Variants in DEPDC5 observed in about 807,000 individuals in gnomAD.
The protein encoded by DEPDC5 is DEP domain containing 5, GATOR1 subcomplex subunit, also known as GATOR1 complex protein DEPDC5.
A neutral mutation model predicts 217.3 loss-of-function variants in DEPDC5; 73 were observed. That is an observed-to-expected ratio of 0.34 (90% CI 0.28 to 0.41). The LOEUF is 0.41. DEPDC5 is among the 10% of genes least tolerant of loss of function. The pLI is 1.00. For missense variants in DEPDC5, 1,675 were observed against 2,070.1 expected (o/e 0.81, Z 3.70); for synonymous variants, 733 against 756.7 (o/e 0.97, Z 0.51).
At chr22:31,760,350 G>A (rs895819627) in intron 3 of DEPDC5, among the ~76,000 whole-genome samples, 16 of 152,148 alleles carry the variant, frequency 1.1e-4, no homozygotes, top group African/African-American at 3.6e-4. Flanking sequence ...TTACAGGCAT[G>A]AGCCACCACA....
intron 38 of DEPDC5, among the ~76,000 whole-genome samples, chr22:31,880,944 G>A (rs2093156383): frequency 2.0e-5 from 3 of 151,992 alleles, no homozygotes; most frequent in African/African-American, 7.3e-5. Flanking sequence ...GAACCTGGGC[G>A]GCGGAGCCTG....
chr22:31,845,365 C>G, intron 30 of DEPDC5, 128 bp downstream of exon 30: 1 of 1,256,876 alleles, frequency 8.0e-7, no homozygotes, highest in Non-Finnish European at 1.1e-6. Flanking sequence ...TACCTTAAAT[C>G]CAAAACAGTG....
intron 23 of DEPDC5, 77 bp downstream of exon 23, chr22:31,821,714 A>T: frequency 6.4e-7 from 1 of 1,557,962 alleles, no homozygotes. Flanking sequence ...AGAACAGACT[A>T]TTGACAAAAT....
chr22:31,903,196 C>A (rs1366041756), intron 41 of DEPDC5, among the ~76,000 whole-genome samples: 2 of 32,174 alleles, frequency 6.2e-5, no homozygotes, highest in Non-Finnish European at 1.2e-4. Context: ...CACCTAACCC[C>A]CCTCCACCTT....
chr22:31,868,071 T>C (rs1220794724), intron 33 of DEPDC5, among the ~76,000 whole-genome samples: 2 of 152,232 alleles, frequency 1.3e-5, no homozygotes, highest in African/African-American at 2.4e-5. Flanking sequence ...AATTGCAAGC[T>C]GTCTCTTGCT....
rs886039281 is a variant in DEPDC5 at position 31,876,263 on chromosome 22, G to A, written c.3803G>A (p.Arg1268Gln). 11 of 1,613,280 alleles carry A rather than the reference G, an allele frequency of 6.8e-6. No individual in the cohort carries two copies. Among genetic ancestry groups the A allele is most frequent in the East Asian group, 2.2e-5 (1 of 44,884 alleles). Residue 1268 changes from arginine to glutamine, a missense_variant and splice_region_variant, in exon 37 of 43, where the codon CGA becomes CAA. Arg to Gln is a conservative substitution (Grantham distance 43). This residue lies in a region of DEPDC5 where 194 missense variants were observed against 199.3 expected (regional missense o/e 0.97). Coordinates refer to ENST00000651528, the MANE Select transcript of DEPDC5 (RefSeq NM_001242896.3). ...ATAGTAACGGACAAAGAGCCCGACC[G>A]AGGTTAGAGCCGAGGCGAATGCGGT... ...YKIVTDKEPDRVAMQQPATTW... is the reference protein window; with the variant it reads ...YKIVTDKEPDQVAMQQPATTW...
At chr22:31,812,416 A>ATT (rs2088489862) in intron 20 of DEPDC5, among the ~76,000 whole-genome samples, 1 of 117,868 alleles carries the variant, frequency 8.5e-6, no homozygotes, top group African/African-American at 3.2e-5. Flanking sequence ...AATTTTCCAT[A>ATT]TTTCTTTTTT....
intron 24 of DEPDC5, among the ~76,000 whole-genome samples, chr22:31,825,010 CT>C (rs1569024193): frequency 6.6e-6 from 1 of 151,512 alleles, no homozygotes; most frequent in Non-Finnish European, 1.5e-5. Context: ...AAGAAAGTAC[CT>C]TTAGAGGGGC....
At chr22:31,787,829 A>G (rs2085170895) in intron 10 of DEPDC5, among the ~76,000 whole-genome samples, 1 of 150,924 alleles carries the variant, frequency 6.6e-6, no homozygotes, top group Non-Finnish European at 1.5e-5. Flanking sequence ...AAAAAAAAAA[A>G]AGAAGAAGAA....
Position 31,875,441 on chromosome 22 carries a change from T to C in DEPDC5, c.3697-716T>C, listed in dbSNP as rs115116300. On this transcript the variant is annotated intron_variant, in intron 36 of 42. Coordinates refer to ENST00000651528, the MANE Select transcript of DEPDC5 (RefSeq NM_001242896.3). ...AATCCCGAAAGAATACCTTATATTC[T>C]CTATCATACGTGTTTATATAATAAA... 4.3e-3 allele frequency: 651 copies of C among 152,404 alleles called. 4 individuals carry two copies. Among genetic ancestry groups the C allele is most frequent in the African/African-American group, 0.015 (631 of 41,554 alleles). 9.4% of individuals were successfully genotyped at this position (152,404 alleles called of 1,614,324 possible). A position where few individuals can be genotyped will look rare whatever the true frequency, so the allele number is the denominator to read the frequency against.
rs190399115 is a variant in DEPDC5, at chr22:31,824,883, G to A, written c.2104+2093G>A. 2.5e-3 allele frequency among the ~76,000 whole-genome samples: 373 copies of A among 152,000 alleles called. 3 individuals carry two copies. Among genetic ancestry groups the A allele is most frequent in the African/African-American group, 8.6e-3 (357 of 41,444 alleles). Reference sequence around the variant, plus strand: ...CCCAGCTACTTGGGAGGCTGAGGCAGGAGAATGGTGTGAACCTGGGAGGTG... The same window carrying A: ...CCCAGCTACTTGGGAGGCTGAGGCAAGAGAATGGTGTGAACCTGGGAGGTG... On this transcript the variant is annotated intron_variant, in intron 24 of 42. Transcript: ENST00000651528.
intron 24 of DEPDC5, among the ~76,000 whole-genome samples, chr22:31,826,269 A>G (rs1389073741): frequency 6.6e-6 from 1 of 152,118 alleles, no homozygotes; most frequent in Non-Finnish European, 1.5e-5. Flanking sequence ...AGCCTCCCAA[A>G]GTGCTGGGAT....
rs1321702758 is a variant in DEPDC5, at chr22:31,821,602, G to A, written c.1971G>A (p.Glu657=). The change falls in exon 23 of 43, where the codon GAG becomes GAA. Residue 657 remains glutamate (E), a synonymous_variant. Coordinates refer to ENST00000651528, the MANE Select transcript of DEPDC5 (RefSeq NM_001242896.3). ...GQRDPTHSSA[E]LLELAYHEAA... is the part of the protein sequence containing the mutation. ...GGGATCCAACTCACTCCTCTGCAGAGCTGCTGGAGTTAGCATATCATGAAG... is the reference window on the plus strand; with the variant it reads ...GGGATCCAACTCACTCCTCTGCAGAACTGCTGGAGTTAGCATATCATGAAG... 1 of 1,614,034 alleles carries A rather than the reference G, an allele frequency of 6.2e-7. No individual in the cohort carries two copies. The highest frequency in any genetic ancestry group is 1.3e-5 in the African/African-American group (1 of 74,946).
intron 24 of DEPDC5, chr22:31,823,053 C>A: frequency 2.4e-6 from 1 of 416,520 alleles, no homozygotes; most frequent in Non-Finnish European, 4.5e-6. Context: ...AGCTTAGGAG[C>A]ATAGTATTGA....
rs895816897 is a variant in DEPDC5, at chr22:31,803,242, G to T, written c.1081+404G>T. Among the ~76,000 whole-genome samples, 5 of 151,134 alleles carry T rather than the reference G, an allele frequency of 3.3e-5. No individual in the cohort carries two copies. The Admixed American group carries it at 3.3e-4, about 10-fold the overall frequency. ...TCTTTTTTTTTTTAGACGGAGTCTCGCTCTGTCTCCCAGGCTGGAGTGCAG... is the reference window on the plus strand; with the variant it reads ...TCTTTTTTTTTTTAGACGGAGTCTCTCTCTGTCTCCCAGGCTGGAGTGCAG... On this transcript the variant is annotated intron_variant, in intron 15 of 42. Transcript: ENST00000651528.
intron 30 of DEPDC5, among the ~76,000 whole-genome samples, chr22:31,846,232 A>G (rs1359631529): frequency 6.6e-6 from 1 of 152,142 alleles, no homozygotes; most frequent in Non-Finnish European, 1.5e-5. Flanking sequence ...ATCACATAAT[A>G]TGTGACCTTT....
At chr22:31,817,877 G>A (rs767780713) in intron 21 of DEPDC5, among the ~76,000 whole-genome samples, 3 of 151,936 alleles carry the variant, frequency 2.0e-5, no homozygotes, top group Admixed American at 1.3e-4. Context: ...GTAAGTTAGA[G>A]CATCAATTCA....
intron 5 of DEPDC5, among the ~76,000 whole-genome samples, chr22:31,765,831 T>A (rs1301284682): frequency 3.3e-5 from 5 of 152,072 alleles, no homozygotes; most frequent in African/African-American, 1.2e-4. Flanking sequence ...GAGACCAGCC[T>A]GGGAAACATG....
At chr22:31,828,767 C>T (rs2082657035) in intron 24 of DEPDC5, among the ~76,000 whole-genome samples, 1 of 152,198 alleles carries the variant, frequency 6.6e-6, no homozygotes, top group African/African-American at 2.4e-5. Flanking sequence ...ACTCTAGGCA[C>T]TGTGCTAAGG....
Sources: allele counts gnomAD v4.1 joint callset (sites outside exome capture counted in the v4.1 genomes callset), GRCh38; gene constraint gnomAD v4.1.1; regional missense constraint gnomAD v4.1.1; transcripts MANE v1.5; gene names NCBI Gene and HGNC (gene_info 2026-07-23, HGNC 2026-07-21).